Variants in CDH20 observed in about 807,000 individuals in gnomAD.
CDH20 encodes cadherin-20.
Under a neutral mutation model 74.2 loss-of-function variants are expected in CDH20, and 29 were observed. That is an observed-to-expected ratio of 0.39 (90% CI 0.29 to 0.53). CDH20 has a LOEUF of 0.53. CDH20 is among the 20% of genes least tolerant of loss of function. The probability of loss-of-function intolerance (pLI) is 0.69; values close to 1 mark genes in which losing one functional copy is unlikely to be tolerated. For synonymous variants in CDH20, 469 were observed against 405.4 expected, an observed-to-expected ratio of 1.16 and a Z score of -1.88; for missense variants, 988 against 1,048.3, an observed-to-expected ratio of 0.94 and a Z score of 0.79.
chr18:61,513,931 C>T (rs1911880835), intron 6 of CDH20, among the ~76,000 whole-genome samples: 1 of 151,964 alleles, frequency 6.6e-6, no homozygotes, highest in Admixed American at 6.6e-5. Flanking sequence ...CTGCCCTTAA[C>T]ATTTTTTCCT....
chr18:61,514,790 G>A (rs898177269), intron 6 of CDH20, among the ~76,000 whole-genome samples: 6 of 152,066 alleles, frequency 3.9e-5, no homozygotes, highest in Non-Finnish European at 8.8e-5. Context: ...CTGCTGGGGG[G>A]TGCCTCCCAG....
intron 1 of CDH20, chr18:61,404,838 A>T: frequency 5.5e-6 from 2 of 361,726 alleles, no homozygotes; most frequent in South Asian, 4.1e-5. Flanking sequence ...AAATTTTATT[A>T]AAGGGAAATT....
At chr18:61,451,233 G>A (rs528401646) in intron 1 of CDH20, among the ~76,000 whole-genome samples, 26 of 151,852 alleles carry the variant, frequency 1.7e-4, no homozygotes, top group South Asian at 8.3e-4. Flanking sequence ...AAGCACAACA[G>A]CTTATGAAAG....
intron 1 of CDH20, among the ~76,000 whole-genome samples, chr18:61,376,182 A>G (rs1423625587): frequency 1.3e-5 from 2 of 152,134 alleles, no homozygotes; most frequent in Non-Finnish European, 2.9e-5. Flanking sequence ...TGATTTTCAT[A>G]TCAAATGTAT....
chr18:61,393,731 C>T (rs1911868869), intron 1 of CDH20, among the ~76,000 whole-genome samples: 1 of 152,104 alleles, frequency 6.6e-6, no homozygotes, highest in Admixed American at 6.6e-5. Flanking sequence ...ACTTCACGTT[C>T]ATAAGTTTAG....
intron 1 of CDH20, among the ~76,000 whole-genome samples, chr18:61,439,204 G>A (rs986100587): frequency 5.3e-5 from 8 of 151,932 alleles, no homozygotes; most frequent in Non-Finnish European, 1.2e-4. Flanking sequence ...TCAGCATAAC[G>A]CAATATATCC....
chr18:61,411,147 C>T (rs1006023480), intron 1 of CDH20, among the ~76,000 whole-genome samples: 2 of 151,156 alleles, frequency 1.3e-5, no homozygotes, highest in Non-Finnish European at 2.9e-5. Context: ...TGCAGTGAGC[C>T]GAGATACGCC....
chr18:61,481,575 T>G (rs1910590383), intron 1 of CDH20, among the ~76,000 whole-genome samples: 2 of 152,250 alleles, frequency 1.3e-5, no homozygotes, highest in Non-Finnish European at 2.9e-5. Context: ...AGTGAGATTT[T>G]TGGTTTGTTT....
At chr18:61,437,079 C>T (rs1182525494) in intron 1 of CDH20, among the ~76,000 whole-genome samples, 2 of 152,186 alleles carry the variant, frequency 1.3e-5, no homozygotes. Context: ...GTACTTAGCA[C>T]AGTGTCCTGC....
chr18:61,336,158 G>A lies in CDH20; in HGVS notation c.-153+2331G>A, dbSNP rs144348045. 1.1e-3 allele frequency among the ~76,000 whole-genome samples: 163 copies of A among 152,304 alleles called. 2 individuals carry two copies. The highest frequency in any genetic ancestry group is 3.7e-3 in the African/African-American group (155 of 41,568). On this transcript the variant is annotated intron_variant, in intron 1 of 11. Transcript: ENST00000262717. ...GACGCCACTATCCTGAAAGAGCAGA[G>A]CAATGTTCGTCTGGAGAAAGCAGTT...
Position 61,554,469 on chromosome 18 carries a change from T to A in CDH20, c.2180T>A (p.Leu727Gln), listed in dbSNP as rs1316483551. 1.2e-6 allele frequency: 2 copies of A among 1,613,234 alleles called. No homozygotes were observed. The highest frequency in any genetic ancestry group is 3.3e-5 in the Admixed American group (2 of 59,980). Residue 727 changes from leucine (L) to glutamine (Q), a missense_variant, in exon 12 of 12, where the codon CTG becomes CAG. Around this residue, in one of 2 missense-constraint regions of CDH20, gnomAD observed 375 missense variants for 293.1 expected, o/e 1.28. Transcript: ENST00000262717. ...AACAGCACTGTCCACAGCTACGTGC[T>A]GGCCAAGCTCTACGAGGCCGACATG... is the stretch of plus-strand genomic sequence containing the variant. ...AVNSTVHSYV[L>Q]AKLYEADMDL... is the part of the protein sequence containing the mutation.
chr18:61,507,274 A>G (rs1462280070), intron 5 of CDH20, 99 bp from the exon 6 acceptor site: 53 of 1,189,228 alleles, frequency 4.5e-5, no homozygotes, highest in Non-Finnish European at 6.2e-5. Flanking sequence ...TGAACCCAGA[A>G]AAAAAGATAT....
chr18:61,422,256 G>T (rs556736042), intron 1 of CDH20, among the ~76,000 whole-genome samples: 1 of 152,214 alleles, frequency 6.6e-6, no homozygotes, highest in South Asian at 2.1e-4. Flanking sequence ...GAATACAGCT[G>T]CAGGGAAAGC....
intron 7 of CDH20, among the ~76,000 whole-genome samples, chr18:61,530,882 A>C (rs1200601758): frequency 2.6e-5 from 4 of 152,100 alleles, no homozygotes; most frequent in Non-Finnish European, 5.9e-5. Flanking sequence ...ATTGCTCCCA[A>C]ATTCAGAGGA....
intron 4 of CDH20, among the ~76,000 whole-genome samples, chr18:61,500,796 C>G (rs1394458342): frequency 2.6e-5 from 4 of 152,150 alleles, no homozygotes; most frequent in Non-Finnish European, 5.9e-5. Flanking sequence ...TATATTTATT[C>G]CCAGGGACTA....
At position 61,545,506 on chromosome 18, in the gene CDH20, T is replaced by C. The variant is rs1024922443; in HGVS notation, c.1648+362T>C. On this transcript the variant is annotated intron_variant, in intron 10 of 11. Transcript: ENST00000262717. ...AGTCAGTAAGTCGGCAGATGTTTACTGAGTGCCTGTCCCGTGCCAGAAACA... is the reference window on the plus strand; with the variant it reads ...AGTCAGTAAGTCGGCAGATGTTTACCGAGTGCCTGTCCCGTGCCAGAAACA... Among the ~76,000 whole-genome samples, 23 of 152,202 alleles carry C rather than the reference T, an allele frequency of 1.5e-4. 1 individual carries two copies. Among genetic ancestry groups the C allele is most frequent in the Non-Finnish European group, 4.4e-5 (3 of 68,034 alleles).
At chr18:61,382,437 A>C (rs192018965) in intron 1 of CDH20, among the ~76,000 whole-genome samples, 13 of 152,312 alleles carry the variant, frequency 8.5e-5, no homozygotes, top group Admixed American at 5.9e-4. Context: ...TAGATTCATC[A>C]AATCCCTTAA....
At chr18:61,553,660 C>A (rs1599166129) in intron 11 of CDH20, among the ~76,000 whole-genome samples, 1 of 152,290 alleles carries the variant, frequency 6.6e-6, no homozygotes, top group Non-Finnish European at 1.5e-5. Context: ...CTTTGGTGCA[C>A]ACTTAGTATG....
chr18:61,440,784 G>T (rs1295998998), intron 1 of CDH20, among the ~76,000 whole-genome samples: 1 of 152,258 alleles, frequency 6.6e-6, no homozygotes, highest in Middle Eastern at 3.4e-3. Flanking sequence ...CTGAGATGGG[G>T]AAGAGGGAAC....
Sources: gnomAD v4.1 joint callset for allele counts (sites outside exome capture counted in the v4.1 genomes callset) on GRCh38, gnomAD v4.1.1 for gene constraint, gnomAD v4.1.1 regional missense constraint, MANE v1.5 for transcripts, NCBI Gene and HGNC (gene_info 2026-07-23, HGNC 2026-07-21) for gene names.